The following TOM1L2 variants were observed in gnomAD, a reference collection of about 807,000 sequenced individuals.
TOM1L2 encodes TOM1-like protein 2.
A neutral mutation model predicts 67.9 loss-of-function variants in TOM1L2; 31 were observed. That is an observed-to-expected ratio of 0.46 (90% confidence interval 0.34 to 0.62). The LOEUF (loss-of-function observed/expected upper bound fraction) is 0.62, where lower values mean the gene tolerates loss of function less well. Among genes scored for constraint, TOM1L2 ranks in the 20% least tolerant of loss-of-function variants. TOM1L2 has a pLI of 0.01. For synonymous variants in TOM1L2, 256 were observed against 254.0 expected, an observed-to-expected ratio of 1.01 and a Z score of -0.07; for missense variants, 606 against 663.5, an observed-to-expected ratio of 0.91 and a Z score of 0.95.
intron 1 of TOM1L2, among the ~76,000 whole-genome samples, chr17:17,937,833 A>G (rs1336014147): frequency 6.6e-6 from 1 of 152,220 alleles, no homozygotes; most frequent in East Asian, 1.9e-4. Context: ...TGGAAAGGTT[A>G]GCACTCCACA....
chr17:17,906,669 T>G (rs2039112478), intron 2 of TOM1L2, among the ~76,000 whole-genome samples: 1 of 152,214 alleles, frequency 6.6e-6, no homozygotes, highest in South Asian at 2.1e-4. Context: ...GAGAAATATT[T>G]GTTGCATGAA....
chr17:17,910,119 C>T (rs563594083), intron 1 of TOM1L2, among the ~76,000 whole-genome samples: 5 of 152,306 alleles, frequency 3.3e-5, no homozygotes, highest in South Asian at 4.1e-4. Context: ...AAAAATTATA[C>T]ATAGGTCAAT....
intron 1 of TOM1L2, among the ~76,000 whole-genome samples, chr17:17,932,574 T>C (rs2040376109): frequency 6.6e-6 from 1 of 152,160 alleles, no homozygotes; most frequent in South Asian, 2.1e-4. Context: ...CCCTCAGAAG[T>C]AGCATGGCTG....
intron 1 of TOM1L2, among the ~76,000 whole-genome samples, chr17:17,936,646 A>C (rs2144746481): frequency 6.6e-6 from 1 of 152,318 alleles, no homozygotes; most frequent in South Asian, 2.1e-4. Flanking sequence ...CATCCACATA[A>C]GGGAATATTA....
intron 1 of TOM1L2, among the ~76,000 whole-genome samples, chr17:17,920,217 CT>C (rs200600237): frequency 0.037 from 4,945 of 135,050 alleles, 181 homozygotes; most frequent in African/African-American, 0.1. Flanking sequence ...TTCTCTCGTT[CT>C]TTTTTTTTTT....
intron 1 of TOM1L2, among the ~76,000 whole-genome samples, chr17:17,956,301 A>C (rs2144963658): frequency 6.6e-6 from 1 of 152,180 alleles, no homozygotes; most frequent in East Asian, 1.9e-4. Context: ...GATTAACTAG[A>C]TACAGAGTGC....
chr17:17,874,805 C>G (rs2037338702), intron 7 of TOM1L2, among the ~76,000 whole-genome samples: 1 of 152,162 alleles, frequency 6.6e-6, no homozygotes, highest in African/African-American at 2.4e-5. Flanking sequence ...CCTCTATGCT[C>G]CAATCCTGGA....
intron 1 of TOM1L2, among the ~76,000 whole-genome samples, chr17:17,925,339 T>G (rs985168116): frequency 6.6e-6 from 1 of 152,106 alleles, no homozygotes; most frequent in Non-Finnish European, 1.5e-5. Flanking sequence ...AAAACATGCA[T>G]ATGGATAATG....
intron 7 of TOM1L2, among the ~76,000 whole-genome samples, chr17:17,875,995 CGAG>C (rs1179350622): frequency 1.3e-5 from 2 of 152,188 alleles, no homozygotes; most frequent in Non-Finnish European, 2.9e-5. Flanking sequence ...CTTGGAGAAA[CGAG>C]GAGGCCTCTG....
At chr17:17,966,377 A>G (rs769784423) in intron 1 of TOM1L2, among the ~76,000 whole-genome samples, 20 of 152,250 alleles carry the variant, frequency 1.3e-4, no homozygotes, top group Non-Finnish European at 2.4e-4. Flanking sequence ...TGTCCACAAG[A>G]AAACCTACAT....
intron 1 of TOM1L2, among the ~76,000 whole-genome samples, chr17:17,924,948 T>C (rs1396982619): frequency 6.6e-6 from 1 of 152,222 alleles, no homozygotes; most frequent in South Asian, 2.1e-4. Flanking sequence ...GGGCAGATCC[T>C]TCATGCCTTG....
intron 6 of TOM1L2, among the ~76,000 whole-genome samples, chr17:17,881,831 C>T (rs2037737468): frequency 6.6e-6 from 1 of 152,216 alleles, no homozygotes; most frequent in African/African-American, 2.4e-5. Context: ...CGACACAACA[C>T]TGCCATCCCT....
At chr17:17,950,400 C>T (rs930677698) in intron 1 of TOM1L2, among the ~76,000 whole-genome samples, 3 of 152,190 alleles carry the variant, frequency 2.0e-5, no homozygotes, top group Admixed American at 6.5e-5. Flanking sequence ...CTAAAGTGAT[C>T]TGCCTGCCTT....
intron 3 of TOM1L2, among the ~76,000 whole-genome samples, chr17:17,894,963 ACATACATACATACATG>A (rs2038484106): frequency 1.4e-5 from 2 of 141,702 alleles, no homozygotes; most frequent in Admixed American, 6.8e-5. Flanking sequence ...ATACATACAT[ACATACATACATACATG>A]CATGCATGCA....
In TOM1L2 at chr17:17,884,699, T is replaced by C; in HGVS notation, c.436A>G (p.Arg146Gly). ...GVVHIYEELK[R>G]KGVEFPMADL... ...GCCATGGGAAATTCAACCCCTTTCC[T>C]CTTCAGCTCCTCATATATGTGCACA... Residue 146 changes from arginine to glycine, a missense_variant, in exon 5 of 15, where the codon AGG (arginine) becomes GGG (glycine). By Grantham distance (125) the Arg-to-Gly change is moderately radical. Coordinates refer to ENST00000379504, the MANE Select transcript of TOM1L2 (RefSeq NM_001082968.2). 6.2e-7 allele frequency: 1 copy of C among 1,614,030 alleles called. No individual in the cohort carries two copies. The highest frequency in any genetic ancestry group is 8.5e-7 in the Non-Finnish European group (1 of 1,180,032).
chr17:17,851,902 G>A (rs938658125), intron 12 of TOM1L2, among the ~76,000 whole-genome samples: 1 of 152,208 alleles, frequency 6.6e-6, no homozygotes, highest in African/African-American at 2.4e-5. Flanking sequence ...CTCAGGGACA[G>A]AGACTCTGAA....
At chr17:17,888,467 G>A (rs1025224387) in intron 4 of TOM1L2, among the ~76,000 whole-genome samples, 19 of 152,218 alleles carry the variant, frequency 1.2e-4, no homozygotes, top group African/African-American at 3.9e-4. Context: ...GCTCTGGGAT[G>A]CCTTTGGATA....
At chr17:17,912,243 G>A (rs1327702846) in intron 1 of TOM1L2, among the ~76,000 whole-genome samples, 1 of 151,564 alleles carries the variant, frequency 6.6e-6, no homozygotes, top group Admixed American at 6.6e-5. Context: ...GGGCAGAGGC[G>A]CCCCTCACCT....
intron 13 of TOM1L2, 177 bp from the exon 14 acceptor site, chr17:17,849,036 G>A: frequency 1.8e-6 from 1 of 550,722 alleles, no homozygotes; most frequent in Non-Finnish European, 3.2e-6. Flanking sequence ...TCTTCTTATT[G>A]GAGAAACAGA....
Sources: gnomAD v4.1 joint callset for allele counts (sites outside exome capture counted in the v4.1 genomes callset) on GRCh38, gnomAD v4.1.1 for gene constraint, MANE v1.5 for transcripts, NCBI Gene and HGNC (gene_info 2026-07-23, HGNC 2026-07-21) for gene names.